DMD: variants seen among roughly 807,000 people sequenced by gnomAD.
DMD encodes the protein dystrophin, also known as mutant dystrophin.
In DMD, 63 loss-of-function variants were observed where a neutral mutation model predicts 330.1. That is an observed-to-expected ratio of 0.19 (90% CI 0.16 to 0.24). The LOEUF (loss-of-function observed/expected upper bound fraction) is 0.24, where lower values mean the gene tolerates loss of function less well. Ranked by LOEUF, DMD falls within the 10% of genes least tolerant of loss-of-function variation. The pLI, the probability that DMD is intolerant of heterozygous loss-of-function variation, is 1.00. For synonymous variants in DMD, 1,223 were observed against 959.8 expected, an observed-to-expected ratio of 1.27 and a Z score of -5.07; for missense variants, 3,344 against 2,684.1, an observed-to-expected ratio of 1.25 and a Z score of -5.43.
chrX:33,301,290 C>G (rs1403297152), intron 1 of DMD, among the ~76,000 whole-genome samples: 1 of 111,234 alleles, frequency 9.0e-6, no homozygotes. Flanking sequence ...GCAAGCACCT[C>G]TTCAAAATAG....
chrX:32,910,842 C>T (rs1041320857), intron 2 of DMD, among the ~76,000 whole-genome samples: 4 of 112,123 alleles, frequency 3.6e-5, no homozygotes, highest in African/African-American at 1.3e-4. Flanking sequence ...AACTTGCTTT[C>T]TCTCAAGTAG....
At chrX:32,591,807 T>A (rs748848391) in intron 13 of DMD, among the ~76,000 whole-genome samples, 12 of 113,000 alleles carry the variant, frequency 1.1e-4, no homozygotes, top group Non-Finnish European at 7.5e-5. Context: ...TCCTGCGCTC[T>A]TGGGGGCCTG....
intron 1 of DMD, among the ~76,000 whole-genome samples, chrX:33,025,431 A>C (rs2093977749): frequency 9.0e-6 from 1 of 111,247 alleles, no homozygotes; most frequent in African/African-American, 3.3e-5. Flanking sequence ...CTTCTCTGCC[A>C]TCAGATAAAC....
chrX:32,814,996 T>C (rs1014470165), intron 6 of DMD, among the ~76,000 whole-genome samples: 1 of 111,484 alleles, frequency 9.0e-6, no homozygotes. Context: ...ACAGAATGTC[T>C]CTATCCCTTC....
intron 42 of DMD, among the ~76,000 whole-genome samples, chrX:32,295,041 T>A (rs1336438688): frequency 2.7e-5 from 3 of 111,620 alleles, no homozygotes; most frequent in Non-Finnish European, 5.6e-5. Flanking sequence ...AAATATGATG[T>A]CAAAATGATA....
intron 16 of DMD, among the ~76,000 whole-genome samples, chrX:32,558,938 CTTTTTTTTTTTTT>C (rs60739281): frequency 4.7e-4 from 24 of 50,826 alleles, no homozygotes; most frequent in Admixed American, 3.2e-3. Flanking sequence ...TTCAAATTTT[CTTTTTTTTTTTTT>C]TTTTTTTTTT....
At chrX:32,206,717 G>T (rs1370347715) in intron 44 of DMD, 2 of 480,926 alleles carry the variant, frequency 4.2e-6, no homozygotes, top group Non-Finnish European at 7.6e-6. Context: ...AAGATCTCTG[G>T]CAGTGGAGGA....
chrX:32,480,127 G>A (rs187353835), intron 21 of DMD, among the ~76,000 whole-genome samples: 1 of 111,667 alleles, frequency 9.0e-6, no homozygotes, highest in East Asian at 2.8e-4. Context: ...CTCGCAATAA[G>A]AGGCACCAAT....
intron 60 of DMD, chrX:31,435,738 G>A (rs1475384852): frequency 9.0e-6 from 1 of 111,662 alleles, no homozygotes; most frequent in Non-Finnish European, 1.9e-5. Context: ...TTTGAATGCT[G>A]GGTATGATGT....
rs143991618 is a variant in DMD, at chrX:33,178,364, A to G, written c.31+32918T>C. Among the ~76,000 whole-genome samples, 1,007 of 111,709 alleles carry G rather than the reference A, an allele frequency of 9.0e-3. 12 individuals carry two copies. The highest frequency in any genetic ancestry group is 0.03 in the African/African-American group (925 of 30,723). On this transcript the variant is annotated intron_variant, in intron 1 of 78. Coordinates refer to ENST00000357033, the MANE Select transcript of DMD (RefSeq NM_004006.3). The stretch of plus-strand genomic sequence containing the variant: ...ATGGAAGGTTCCTGGGTCCTTGACC[A>G]CCATGGCCCTGCTCTACCGGCAATG...
intron 1 of DMD, among the ~76,000 whole-genome samples, chrX:33,337,920 T>C (rs971958593): frequency 1.8e-5 from 2 of 111,767 alleles, no homozygotes; most frequent in Admixed American, 9.5e-5. Flanking sequence ...CGAGTAGCAC[T>C]GTGTACACTG....
At chrX:32,041,337 A>G (rs957659248) in intron 44 of DMD, among the ~76,000 whole-genome samples, 1 of 111,980 alleles carries the variant, frequency 8.9e-6, no homozygotes, top group African/African-American at 3.2e-5. Flanking sequence ...GATCTCCACA[A>G]GTGTTGGAAG....
At chrX:31,708,590 A>T (rs1489571308) in intron 52 of DMD, among the ~76,000 whole-genome samples, 1 of 111,002 alleles carries the variant, frequency 9.0e-6, no homozygotes. Context: ...TTAATGTTGT[A>T]ATAATTCCCT....
intron 16 of DMD, among the ~76,000 whole-genome samples, chrX:32,557,007 T>A (rs1603636304): frequency 8.9e-6 from 1 of 111,833 alleles, no homozygotes; most frequent in Non-Finnish European, 1.9e-5. Context: ...ACAATAAGTG[T>A]TTTGAATTGA....
chrX:31,610,696 T>C lies in DMD; in HGVS notation c.8217+16977A>G, dbSNP rs972469234. Reference sequence around the variant, plus strand: ...TGAAAAATTCAGCCAGTATTATAATTGGATTAAGTTATGGGATTCAACCTG... The same window carrying C: ...TGAAAAATTCAGCCAGTATTATAATCGGATTAAGTTATGGGATTCAACCTG... On this transcript the variant is annotated intron_variant, in intron 55 of 78. Coordinates refer to ENST00000357033, the MANE Select transcript of DMD (RefSeq NM_004006.3). 5.4e-5 allele frequency among the ~76,000 whole-genome samples: 6 copies of C among 112,017 alleles called. No individual in the cohort carries two copies. In the Admixed American group the frequency reaches 5.7e-4, roughly 11 times the overall value.
At chrX:32,970,552 T>C (rs2092341374) in intron 2 of DMD, among the ~76,000 whole-genome samples, 1 of 93,177 alleles carries the variant, frequency 1.1e-5, no homozygotes, top group Non-Finnish European at 2.0e-5. Context: ...GAGAATCGCT[T>C]GAACCCGGGA....
intron 44 of DMD, among the ~76,000 whole-genome samples, chrX:32,064,227 A>G (rs192590677): frequency 9.0e-6 from 1 of 111,706 alleles, no homozygotes; most frequent in East Asian, 2.8e-4. Flanking sequence ...ACTATAAGAT[A>G]AACACTATGG....
At chrX:32,175,748 A>G (rs16990140) in intron 44 of DMD, among the ~76,000 whole-genome samples, 11,031 of 111,101 alleles carry the variant, frequency 0.099, 716 homozygotes, top group African/African-American at 0.23. Flanking sequence ...CCACATGTAC[A>G]GTCCTTACCT....
Position 31,240,575 on chromosome X carries a change from C to T in DMD, c.9287-17454G>A, listed in dbSNP as rs753751577. Among the ~76,000 whole-genome samples the T allele has an allele frequency of 2.7e-5, 3 of 111,274 alleles. No individual in the cohort carries two copies. The South Asian group carries it at 1.2e-3, about 43-fold the overall frequency. On this transcript the variant is annotated intron_variant, in intron 63 of 78. Transcript: ENST00000357033. ...TCACCCGCTGTCCTTCAGGAGAGTA[C>T]TATTGTACAATGGAAAAACTACTGG...
Sources: gnomAD v4.1 joint callset for allele counts (sites outside exome capture counted in the v4.1 genomes callset) on GRCh38, gnomAD v4.1.1 for gene constraint, MANE v1.5 for transcripts, NCBI Gene and HGNC (gene_info 2026-07-23, HGNC 2026-07-21) for gene names.